The following ANO2 variants were observed in gnomAD, a reference collection of about 807,000 sequenced individuals.
ANO2 encodes anoctamin-2.
ANO2 carries 101 observed loss-of-function variants against 124.2 expected under a neutral mutation model. The ratio of observed to expected loss-of-function variants is 0.81; its 90% confidence interval spans 0.69 to 0.96. The LOEUF is 0.96. Among genes scored for constraint, ANO2 ranks in the 40% least tolerant of loss-of-function variants. ANO2 has a pLI of 0.00. For synonymous variants in ANO2, 486 were observed against 482.5 expected (o/e 1.01, Z -0.09); for missense variants, 1,293 against 1,274.5 (o/e 1.01, Z -0.22).
chr12:5,632,788 G>A (rs1945789104), intron 16 of ANO2, among the ~76,000 whole-genome samples: 1 of 152,148 alleles, frequency 6.6e-6, no homozygotes, highest in African/African-American at 2.4e-5. Context: ...AGCAATGCAA[G>A]AAAAGTGAGA....
At chr12:5,920,925 A>G (rs1163500024) in intron 3 of ANO2, 115 bp downstream of exon 3, 15 of 1,258,628 alleles carry the variant, frequency 1.2e-5, no homozygotes, top group Admixed American at 4.9e-5. Context: ...AGCAGAAAAA[A>G]AAGTCCACCT....
intron 14 of ANO2, among the ~76,000 whole-genome samples, chr12:5,657,993 C>A (rs1311827632): frequency 6.6e-6 from 1 of 152,066 alleles, no homozygotes; most frequent in Non-Finnish European, 1.5e-5. Flanking sequence ...GGTTCAAGGC[C>A]AGCAATCTGT....
rs1565698813 is a variant in ANO2 at position 5,823,880 on chromosome 12, C to T, written c.892+3889G>A. 2.0e-5 allele frequency among the ~76,000 whole-genome samples: 3 copies of T among 152,232 alleles called. 1 individual carries two copies. The South Asian group carries it at 6.2e-4, about 31-fold the overall frequency. Reference sequence around the variant, plus strand: ...GAAATCTAGGCAGAGGTTCCCAAACCTCAATTCTTGACTTCTGTGCACCTG... The same window carrying T: ...GAAATCTAGGCAGAGGTTCCCAAACTTCAATTCTTGACTTCTGTGCACCTG... On this transcript the variant is annotated intron_variant, in intron 7 of 24. Transcript: ENST00000682330.
intron 3 of ANO2, among the ~76,000 whole-genome samples, chr12:5,892,139 A>T (rs1019412769): frequency 1.4e-4 from 22 of 152,208 alleles, no homozygotes; most frequent in Non-Finnish European, 2.8e-4. Context: ...TAACTGAATT[A>T]AAAAACTCAC....
intron 1 of ANO2, 83 bp downstream of exon 1, chr12:5,945,113 T>C: frequency 2.5e-6 from 3 of 1,221,084 alleles, no homozygotes; most frequent in Non-Finnish European, 3.2e-6. Context: ...TCCCGAAGGG[T>C]GGGAGTTCGG....
At chr12:5,731,857 T>C (rs1346195217) in intron 14 of ANO2, among the ~76,000 whole-genome samples, 1 of 152,108 alleles carries the variant, frequency 6.6e-6, no homozygotes. Context: ...ATTGCACAAG[T>C]AGCTTGAGCA....
intron 14 of ANO2, among the ~76,000 whole-genome samples, chr12:5,690,012 C>T (rs1294207840): frequency 6.6e-6 from 1 of 152,156 alleles, no homozygotes; most frequent in Non-Finnish European, 1.5e-5. Context: ...TCTCAGACCA[C>T]TTGCAGAAAC....
chr12:5,677,847 G>C (rs192773044), intron 14 of ANO2, among the ~76,000 whole-genome samples: 1 of 152,186 alleles, frequency 6.6e-6, no homozygotes, highest in African/African-American at 2.4e-5. Flanking sequence ...TCCAGCATGG[G>C]GGCAATTTCC....
intron 1 of ANO2, among the ~76,000 whole-genome samples, chr12:5,942,163 C>G (rs994649403): frequency 1.3e-5 from 2 of 152,124 alleles, no homozygotes; most frequent in Non-Finnish European, 2.9e-5. Flanking sequence ...AGACTACTAG[C>G]CATTGACTGT....
intron 19 of ANO2, among the ~76,000 whole-genome samples, chr12:5,604,968 T>C (rs141847673): frequency 6.6e-6 from 1 of 152,202 alleles, no homozygotes; most frequent in East Asian, 1.9e-4. Context: ...CAGAAACTCT[T>C]TCCGGAAGGC....
intron 1 of ANO2, among the ~76,000 whole-genome samples, chr12:5,928,232 T>C (rs1428849895): frequency 6.6e-6 from 1 of 152,146 alleles, no homozygotes; most frequent in Admixed American, 6.5e-5. Context: ...CATTACTGTC[T>C]CATTCCTAAC....
intron 10 of ANO2, among the ~76,000 whole-genome samples, chr12:5,784,783 G>A (rs1398750676): frequency 6.6e-6 from 1 of 152,184 alleles, no homozygotes; most frequent in Non-Finnish European, 1.5e-5. Context: ...TGCTGTTCAA[G>A]AGAAGTGCTC....
Position 5,709,517 on chromosome 12 carries a change from A to T in ANO2, c.1545+23003T>A, listed in dbSNP as rs548930321. On this transcript the variant is annotated intron_variant, in intron 14 of 24. Coordinates refer to ENST00000682330, the MANE Select transcript of ANO2 (RefSeq NM_001364791.2). Reference sequence around the variant, plus strand: ...TCTCTACTACAATCAGAAAGAAATCAAATCCTGGACTGGACTCAGGTTCCA... The same window carrying T: ...TCTCTACTACAATCAGAAAGAAATCTAATCCTGGACTGGACTCAGGTTCCA... Among the ~76,000 whole-genome samples the T allele has an allele frequency of 2.0e-5, 3 of 152,322 alleles. No homozygotes were observed. In the South Asian group the frequency reaches 6.2e-4, roughly 32 times the overall value.
intron 13 of ANO2, 35 bp from the exon 14 acceptor site, chr12:5,732,665 A>G: frequency 6.3e-7 from 1 of 1,594,828 alleles, no homozygotes; most frequent in Non-Finnish European, 8.6e-7. Flanking sequence ...TAGTAAACAA[A>G]AGGAAGAATG....
At chr12:5,842,474 G>A (rs1366522432) in intron 4 of ANO2, among the ~76,000 whole-genome samples, 1 of 151,962 alleles carries the variant, frequency 6.6e-6, no homozygotes, top group Non-Finnish European at 1.5e-5. Flanking sequence ...CCCTTTTCTC[G>A]CAGGCAGCCC....
Position 5,897,414 on chromosome 12 carries a change from TG to T in ANO2, c.534+23625del, listed in dbSNP as rs148825968. ...TACAAGAGCATCTGGGGCACAGCAG[TG>T]GGAAGCAGAGGCAGATTGGAGTAGG... is the stretch of plus-strand genomic sequence containing the variant. On this transcript the variant is annotated intron_variant, in intron 3 of 24. Transcript: ENST00000682330. 5.4e-3 allele frequency among the ~76,000 whole-genome samples: 825 copies of T among 152,074 alleles called. 6 individuals carry two copies. The highest frequency in any genetic ancestry group is 0.019 in the African/African-American group (801 of 41,470).
intron 14 of ANO2, among the ~76,000 whole-genome samples, chr12:5,724,422 TC>T (rs1285289583): frequency 6.6e-6 from 1 of 152,126 alleles, no homozygotes; most frequent in Non-Finnish European, 1.5e-5. Flanking sequence ...GGACCATGTC[TC>T]CCTGGGCCCA....
chr12:5,643,008 A>T (rs759119755), intron 15 of ANO2, among the ~76,000 whole-genome samples: 33 of 152,148 alleles, frequency 2.2e-4, no homozygotes, highest in Non-Finnish European at 8.8e-5. Flanking sequence ...CCTATTTAAT[A>T]TATGTATTTT....
intron 20 of ANO2, among the ~76,000 whole-genome samples, chr12:5,580,574 G>A: frequency 6.6e-6 from 1 of 152,176 alleles, no homozygotes; most frequent in East Asian, 1.9e-4. Context: ...GATTTGCTGT[G>A]ATGCTATGGT....
Sources: gnomAD v4.1 joint callset for allele counts (sites outside exome capture counted in the v4.1 genomes callset) on GRCh38, gnomAD v4.1.1 for gene constraint, MANE v1.5 for transcripts, NCBI Gene and HGNC (gene_info 2026-07-23, HGNC 2026-07-21) for gene names.